SLC14A2: variants seen among roughly 807,000 people sequenced by gnomAD.
SLC14A2 encodes the protein solute carrier family 14 member 2.
Under a neutral mutation model 104.6 loss-of-function variants are expected in SLC14A2, and 91 were observed. That is an observed-to-expected ratio of 0.87 (90% confidence interval 0.73 to 1.04). The LOEUF is 1.04. Ranked by LOEUF, SLC14A2 falls within the 50% of genes least tolerant of loss-of-function variation. SLC14A2 has a pLI of 0.00. For synonymous variants in SLC14A2, 476 were observed against 466.4 expected (o/e 1.02, Z -0.27); for missense variants, 1,189 against 1,156.0 (o/e 1.03, Z -0.41).
At chr18:45,418,546 C>T (rs75974074) in intron 1 of SLC14A2, among the ~76,000 whole-genome samples, 2,722 of 152,324 alleles carry the variant, frequency 0.018, 166 homozygotes, top group East Asian at 0.12. Context: ...CCCAGGTTCA[C>T]ATCCATGAGT....
intron 1 of SLC14A2, among the ~76,000 whole-genome samples, chr18:45,237,753 CCTT>C (rs1039488422): frequency 6.6e-6 from 1 of 152,182 alleles, no homozygotes; most frequent in African/African-American, 2.4e-5. Context: ...AGATGATTCT[CCTT>C]CTCCAGAGCC....
intron 1 of SLC14A2, among the ~76,000 whole-genome samples, chr18:45,231,392 A>G (rs1024596967): frequency 2.6e-5 from 4 of 151,938 alleles, no homozygotes; most frequent in African/African-American, 9.7e-5. Flanking sequence ...TTGTAGAGAC[A>G]AGCTCTTGCT....
At chr18:45,428,004 A>C (rs1598798328) in intron 1 of SLC14A2, among the ~76,000 whole-genome samples, 1 of 152,212 alleles carries the variant, frequency 6.6e-6, no homozygotes, top group East Asian at 1.9e-4. Context: ...CAAATACACA[A>C]CACCATCCAA....
At chr18:45,509,305 T>C (rs1319923914) in intron 2 of SLC14A2, among the ~76,000 whole-genome samples, 1 of 152,044 alleles carries the variant, frequency 6.6e-6, no homozygotes, top group Non-Finnish European at 1.5e-5. Context: ...TATATCTCTC[T>C]CTCTGTCTTT....
chr18:45,232,532 T>G (rs1160310837), intron 1 of SLC14A2, among the ~76,000 whole-genome samples: 2 of 152,236 alleles, frequency 1.3e-5, no homozygotes, highest in Non-Finnish European at 2.9e-5. Context: ...GTTCTAATTC[T>G]CTGGCATTCT....
intron 1 of SLC14A2, among the ~76,000 whole-genome samples, chr18:45,331,584 G>A (rs377291989): frequency 2.0e-3 from 305 of 151,964 alleles, no homozygotes; most frequent in African/African-American, 6.8e-3. Flanking sequence ...CCAGCTACTC[G>A]GGAGGCTGAG....
the SLC14A2 span, among the ~76,000 whole-genome samples, chr18:45,207,411 G>C: frequency 6.7e-6 from 1 of 150,294 alleles, no homozygotes; most frequent in African/African-American, 2.5e-5. Flanking sequence ...AAAAGAGAGA[G>C]AAAGAGAGAA....
intron 19 of SLC14A2, among the ~76,000 whole-genome samples, chr18:45,680,302 G>C (rs561833617): frequency 6.6e-6 from 1 of 152,356 alleles, no homozygotes; most frequent in Non-Finnish European, 1.5e-5. Flanking sequence ...GATGTTTACA[G>C]TGATGACTGG....
intron 2 of SLC14A2, among the ~76,000 whole-genome samples, chr18:45,601,360 T>A (rs1214903129): frequency 6.6e-6 from 1 of 152,192 alleles, no homozygotes; most frequent in East Asian, 1.9e-4. Flanking sequence ...ACTAAGCAGA[T>A]CCCAGATCTC....
chr18:45,366,440 G>A (rs192180974), intron 1 of SLC14A2, among the ~76,000 whole-genome samples: 267 of 152,244 alleles, frequency 1.8e-3, no homozygotes, highest in African/African-American at 6.1e-3. Context: ...CTCATGCTGG[G>A]GACCCCCGTG....
chr18:45,414,751 A>ATATATATATAT (rs1568189973), intron 1 of SLC14A2, among the ~76,000 whole-genome samples: 8 of 70,890 alleles, frequency 1.1e-4, no homozygotes, highest in African/African-American at 4.7e-4. Flanking sequence ...GCGTAAAAAA[A>ATATATATATAT]AAAAAAATAT....
rs116670252 is a variant in SLC14A2 at position 45,300,165 on chromosome 18, C to T, written c.-125+86974C>T. ...AGACTGACCATCCTGTCTGGCCTCA[C>T]TCTGTTCTTCATCACAGTTATCCTT... On this transcript the variant is annotated intron_variant, in intron 1 of 20. Coordinates refer to the SLC14A2 transcript ENST00000586448. 5.2e-3 allele frequency among the ~76,000 whole-genome samples: 791 copies of T among 152,302 alleles called. 3 individuals carry two copies. The highest frequency in any genetic ancestry group is 0.017 in the African/African-American group (721 of 41,572).
intron 1 of SLC14A2, among the ~76,000 whole-genome samples, chr18:45,217,323 T>C (rs964022163): frequency 1.4e-5 from 2 of 146,168 alleles, no homozygotes; most frequent in African/African-American, 5.0e-5. Context: ...TACATATGTA[T>C]ATATAATGTA....
At chr18:45,230,028 T>C (rs2084159212) in intron 1 of SLC14A2, among the ~76,000 whole-genome samples, 1 of 152,228 alleles carries the variant, frequency 6.6e-6, no homozygotes, top group Admixed American at 6.5e-5. Flanking sequence ...AATTTATTTG[T>C]ATATTGCTTA....
At chr18:45,475,641 GGATATATATATATATAT>G (rs1568227833) in intron 1 of SLC14A2, among the ~76,000 whole-genome samples, 89 of 11,648 alleles carry the variant, frequency 7.6e-3, no homozygotes, top group African/African-American at 0.019. Flanking sequence ...TATATATTTA[GGATATATATATATATAT>G]ATATATATAT....
chr18:45,670,243 A>C (rs1176998343), intron 16 of SLC14A2, among the ~76,000 whole-genome samples: 1 of 152,224 alleles, frequency 6.6e-6, no homozygotes, highest in Admixed American at 6.5e-5. Flanking sequence ...TTTCATTAAG[A>C]AACATATAAC....
chr18:45,437,166 C>T (rs1052784579), intron 1 of SLC14A2, among the ~76,000 whole-genome samples: 2 of 152,210 alleles, frequency 1.3e-5, no homozygotes, highest in Middle Eastern at 3.2e-3. Context: ...TTCCATTTCT[C>T]TCCGATTTTT....
At chr18:45,234,078 C>A (rs894753655) in intron 1 of SLC14A2, among the ~76,000 whole-genome samples, 1 of 151,918 alleles carries the variant, frequency 6.6e-6, no homozygotes, top group Non-Finnish European at 1.5e-5. Flanking sequence ...CAGCCAGAAT[C>A]AATTATTCTT....
In SLC14A2 at chr18:45,293,254, T is replaced by C. The variant is rs73427964; in HGVS notation, c.-125+80063T>C. Among the ~76,000 whole-genome samples, 317 of 152,272 alleles carry C rather than the reference T, an allele frequency of 2.1e-3. 3 individuals carry two copies. Among genetic ancestry groups the C allele is most frequent in the African/African-American group, 7.3e-3 (302 of 41,548 alleles). On this transcript the variant is annotated intron_variant, in intron 1 of 20. Transcript: ENST00000586448. ...TTTATAGCCACATTTCAGTTTTAAG[T>C]CTGGTGTTATTTCATTCATTCATTC...
Sources: gnomAD v4.1 joint callset for allele counts (sites outside exome capture counted in the v4.1 genomes callset) on GRCh38, gnomAD v4.1.1 for gene constraint, MANE v1.5 for transcripts, NCBI Gene and HGNC (gene_info 2026-07-23, HGNC 2026-07-21) for gene names.